THSD4: variants seen among roughly 807,000 people sequenced by gnomAD.
THSD4 encodes thrombospondin type 1 domain containing 4.
Under a neutral mutation model 119.0 loss-of-function variants are expected in THSD4, and 69 were observed. The observed-to-expected ratio is 0.58, with a 90% CI of 0.48 to 0.71. The LOEUF (loss-of-function observed/expected upper bound fraction) is 0.71, where lower values mean the gene tolerates loss of function less well. Ranked by LOEUF, THSD4 falls within the 30% of genes least tolerant of loss-of-function variation. The pLI is 0.00. For missense variants in THSD4, 1,393 were observed against 1,391.1 expected (o/e 1.00, Z -0.02); for synonymous variants, 524 against 540.4 (o/e 0.97, Z 0.42).
chr15:71,562,698 C>CTTTT lies in THSD4; in HGVS notation c.1153-97821_1153-97818dup, dbSNP rs34555744. Among the ~76,000 whole-genome samples, 26 of 125,274 alleles carry CTTTT rather than the reference C, an allele frequency of 2.1e-4. 2 individuals carry two copies. The highest frequency in any genetic ancestry group is 4.6e-4 in the African/African-American group (16 of 34,660). The allele number at this position is 125,274 out of a possible 152,430, so 82.2% of individuals were successfully genotyped here. On this transcript the variant is annotated intron_variant, in intron 7 of 17. Transcript: ENST00000261862. ...ACACCTAAGCCTACCACCTTTGGTC[C>CTTTT]TTTTTTTTTTTTTTCTTTTCTGAAA...
intron 7 of THSD4, among the ~76,000 whole-genome samples, chr15:71,462,949 G>A (rs1162485850): frequency 6.6e-6 from 1 of 152,180 alleles, no homozygotes; most frequent in Non-Finnish European, 1.5e-5. Flanking sequence ...TGGATGTTAT[G>A]TTTCTATTGA....
intron 7 of THSD4, among the ~76,000 whole-genome samples, chr15:71,590,330 T>C (rs1454777373): frequency 2.2e-5 from 1 of 45,192 alleles, no homozygotes; most frequent in Non-Finnish European, 6.0e-5. Flanking sequence ...TGAGGCCGTG[T>C]GGACCTGGAC....
intron 6 of THSD4, among the ~76,000 whole-genome samples, chr15:71,392,807 C>T (rs992474086): frequency 6.6e-6 from 1 of 152,150 alleles, no homozygotes; most frequent in African/African-American, 2.4e-5. Flanking sequence ...CTGTACACAC[C>T]CTTTGTTCTT....
At chr15:71,607,576 A>T (rs1567059893) in intron 7 of THSD4, among the ~76,000 whole-genome samples, 1 of 152,206 alleles carries the variant, frequency 6.6e-6, no homozygotes, top group Non-Finnish European at 1.5e-5. Context: ...TTGGGGAATG[A>T]GGAGGGTGCT....
At chr15:71,691,413 CTGGCTGGAGACCA>C (rs1313933975) in intron 8 of THSD4, among the ~76,000 whole-genome samples, 2 of 152,240 alleles carry the variant, frequency 1.3e-5, no homozygotes, top group African/African-American at 4.8e-5. Flanking sequence ...GGGACTTCAC[CTGGCTGGAGACCA>C]TGCCTGTTCA....
At chr15:71,631,929 C>T (rs2050637276) in intron 7 of THSD4, among the ~76,000 whole-genome samples, 2 of 152,190 alleles carry the variant, frequency 1.3e-5, no homozygotes, top group African/African-American at 4.8e-5. Context: ...GGAGCATGGG[C>T]TTTGGAGTCA....
At chr15:71,579,969 T>TC (rs1235467910) in intron 7 of THSD4, among the ~76,000 whole-genome samples, 1 of 152,136 alleles carries the variant, frequency 6.6e-6, no homozygotes, top group Non-Finnish European at 1.5e-5. Flanking sequence ...CTAGCATTTA[T>TC]TAAGCAACCA....
chr15:71,759,134 G>A (rs1337988035), intron 15 of THSD4, among the ~76,000 whole-genome samples: 1 of 152,204 alleles, frequency 6.6e-6, no homozygotes, highest in South Asian at 2.1e-4. Context: ...TGGCAAGTGA[G>A]AAATAGAATG....
At chr15:71,166,141 T>TTTG (rs1272032354) in intron 3 of THSD4, among the ~76,000 whole-genome samples, 1 of 151,940 alleles carries the variant, frequency 6.6e-6, no homozygotes, top group Non-Finnish European at 1.5e-5. Flanking sequence ...CACTGTGAAG[T>TTTG]TTGCTTATTT....
At chr15:71,625,784 G>C (rs930348303) in intron 7 of THSD4, among the ~76,000 whole-genome samples, 1 of 152,190 alleles carries the variant, frequency 6.6e-6, no homozygotes, top group African/African-American at 2.4e-5. Context: ...TCTGCTCAGG[G>C]AGCTCACAAT....
intron 8 of THSD4, among the ~76,000 whole-genome samples, chr15:71,702,266 A>G (rs1020121909): frequency 5.3e-5 from 8 of 152,184 alleles, no homozygotes; most frequent in African/African-American, 1.9e-4. Flanking sequence ...AGTTGCCATC[A>G]AGCCTCTGAA....
chr15:71,554,203 C>A (rs2048980249), intron 7 of THSD4, among the ~76,000 whole-genome samples: 1 of 151,292 alleles, frequency 6.6e-6, no homozygotes, highest in Admixed American at 6.6e-5. Context: ...CATTCTCCTG[C>A]CTCAGCCTCC....
At chr15:71,321,224 T>A (rs915053681) in intron 6 of THSD4, among the ~76,000 whole-genome samples, 1 of 152,178 alleles carries the variant, frequency 6.6e-6, no homozygotes, top group Non-Finnish European at 1.5e-5. Context: ...TGCAGCTTCA[T>A]GTACTCCCTC....
At chr15:71,189,910 T>C (rs1381114324) in intron 3 of THSD4, among the ~76,000 whole-genome samples, 1 of 152,190 alleles carries the variant, frequency 6.6e-6, no homozygotes, top group Non-Finnish European at 1.5e-5. Flanking sequence ...CTGAGGAGGA[T>C]ACTCAGAACT....
chr15:71,562,785 C>T (rs1277117009), intron 7 of THSD4, among the ~76,000 whole-genome samples: 6 of 150,774 alleles, frequency 4.0e-5, no homozygotes, highest in Admixed American at 2.0e-4. Flanking sequence ...TCACTGCAAC[C>T]TCCACCTCCT....
At position 71,724,287 on chromosome 15, in the gene THSD4, A is replaced by ATATATACATATATATATATT; in HGVS notation, c.1358-4261_1358-4260insATATACATATATATATATTT. On this transcript the variant is annotated intron_variant, in intron 8 of 17. Coordinates refer to ENST00000261862, the MANE Select transcript of THSD4 (RefSeq NM_024817.3). ...ATGGGATATATATATATATATATAT[A>ATATATACATATATATATATT]TTTTTTTTTTCCCCCCAAGATGGAA... 1.3e-4 allele frequency among the ~76,000 whole-genome samples: 5 copies of ATATATACATATATATATATT among 37,286 alleles called. 1 individual carries two copies. The highest frequency in any genetic ancestry group is 1.2e-4 in the Non-Finnish European group (2 of 16,430). The allele number at this position is 37,286 out of a possible 152,430, so 24.5% of individuals were successfully genotyped here. A position where few individuals can be genotyped will look rare whatever the true frequency, so the allele number is the denominator to read the frequency against.
chr15:71,584,434 A>G lies in THSD4; in HGVS notation c.1153-76096A>G, dbSNP rs142068812. 4.9e-3 allele frequency among the ~76,000 whole-genome samples: 736 copies of G among 149,716 alleles called. 5 individuals are homozygous for G. The highest frequency in any genetic ancestry group is 0.017 in the African/African-American group (693 of 40,958). On this transcript the variant is annotated intron_variant, in intron 7 of 17. Coordinates refer to ENST00000261862, the MANE Select transcript of THSD4 (RefSeq NM_024817.3). Reference sequence around the variant, plus strand: ...CAGGCGTCTACCACCATGCCCAGCTAATTTTTGTATTTTTAGTAGAGACAG... The same window carrying G: ...CAGGCGTCTACCACCATGCCCAGCTGATTTTTGTATTTTTAGTAGAGACAG...
Position 71,593,297 on chromosome 15 carries a change from G to A in THSD4, c.1153-67233G>A, listed in dbSNP as rs1164277664. Among the ~76,000 whole-genome samples the A allele has an allele frequency of 9.2e-5, 3 of 32,558 alleles. 1 individual carries two copies. Among genetic ancestry groups the A allele is most frequent in the African/African-American group, 1.8e-4 (3 of 17,060 alleles). The allele number at this position is 32,558 out of a possible 152,430, so 21.4% of individuals were successfully genotyped here. A position where few individuals can be genotyped will look rare whatever the true frequency, so the allele number is the denominator to read the frequency against. ...AAATTAGCCGGGCGTAGTGGCGGGC[G>A]CCTGTAGTCCCAGCTACTTGGGAGG... is the stretch of plus-strand genomic sequence containing the variant. On this transcript the variant is annotated intron_variant, in intron 7 of 17. Transcript: ENST00000261862.
At chr15:71,447,111 TTTTTTTG>T (rs1167715650) in intron 7 of THSD4, among the ~76,000 whole-genome samples, 30 of 43,944 alleles carry the variant, frequency 6.8e-4, no homozygotes, top group East Asian at 3.5e-3. Context: ...TTCCCTCCAT[TTTTTTTG>T]TTTTTTTTTT....
Sources: allele counts gnomAD v4.1 joint callset (sites outside exome capture counted in the v4.1 genomes callset), GRCh38; gene constraint gnomAD v4.1.1; transcripts MANE v1.5; gene names NCBI Gene and HGNC (gene_info 2026-07-23, HGNC 2026-07-21).